MTUS1: variants seen among roughly 807,000 people sequenced by gnomAD.
MTUS1 encodes the protein microtubule associated scaffold protein 1, also known as microtubule-associated tumor suppressor 1.
MTUS1 carries 109 observed loss-of-function variants against 120.8 expected under a neutral mutation model. The observed-to-expected ratio is 0.90, with a 90% confidence interval of 0.77 to 1.06. The LOEUF (loss-of-function observed/expected upper bound fraction) is 1.06, where lower values mean the gene tolerates loss of function less well. Among genes scored for constraint, MTUS1 ranks in the 50% least tolerant of loss-of-function variants. MTUS1 has a pLI of 0.00. For missense variants in MTUS1, 2,210 were observed against 1,486.3 expected, an observed-to-expected ratio of 1.49 and a Z score of -8.01; for synonymous variants, 737 against 550.5, an observed-to-expected ratio of 1.34 and a Z score of -4.74.
rs2979788 is a variant in MTUS1 at position 17,754,377 on chromosome 8, G to C, written c.1431C>G (p.Pro477=). Reference sequence around the variant, plus strand: ...TTTTGATTGTTGATTTTCCTAAACTGGGTTTACACAGGTTCACAGGTGCCT... The same window carrying C: ...TTTTGATTGTTGATTTTCCTAAACTCGGTTTACACAGGTTCACAGGTGCCT... The part of the protein sequence containing the change: ...SKEAPVNLCK[P]SLGKSTIKTN... The change falls in exon 2 of 15, where the codon CCC becomes CCG. Residue 477 remains proline (P), a synonymous_variant. Transcript: ENST00000693296. The C allele has an allele frequency of 6.2e-7, 1 of 1,613,812 alleles. No homozygotes were observed. The highest frequency in any genetic ancestry group is 1.3e-5 in the African/African-American group (1 of 74,804).
intron 6 of MTUS1, among the ~76,000 whole-genome samples, chr8:17,696,859 G>A (rs1818077129): frequency 6.6e-6 from 1 of 150,820 alleles, no homozygotes; most frequent in Admixed American, 6.6e-5. Flanking sequence ...ACTATCCAAT[G>A]AAAAACGATG....
At chr8:17,664,725 C>T (rs776236257) in intron 8 of MTUS1, among the ~76,000 whole-genome samples, 2 of 152,116 alleles carry the variant, frequency 1.3e-5, no homozygotes, top group African/African-American at 4.8e-5. Flanking sequence ...GATGTCATAA[C>T]ATTCTACTAA....
chr8:17,766,291 G>T (rs1251076687), intron 1 of MTUS1, among the ~76,000 whole-genome samples: 3 of 152,160 alleles, frequency 2.0e-5, no homozygotes, highest in Non-Finnish European at 4.4e-5. Flanking sequence ...CATCACATGT[G>T]AGTACACCCA....
chr8:17,705,112 G>A (rs1395939839), intron 6 of MTUS1, among the ~76,000 whole-genome samples: 2 of 152,072 alleles, frequency 1.3e-5, no homozygotes, highest in Non-Finnish European at 2.9e-5. Context: ...CCTCATGAGT[G>A]CTGGGACTAC....
intron 7 of MTUS1, among the ~76,000 whole-genome samples, chr8:17,680,802 A>G (rs1339626081): frequency 1.3e-5 from 2 of 152,168 alleles, no homozygotes; most frequent in Non-Finnish European, 2.9e-5. Context: ...TGCTCACGCC[A>G]CAAGAGGTGT....
At chr8:17,778,642 T>C (rs892695265) in intron 1 of MTUS1, among the ~76,000 whole-genome samples, 2 of 152,006 alleles carry the variant, frequency 1.3e-5, no homozygotes, top group Admixed American at 1.3e-4. Context: ...ACCCTGTCTC[T>C]ACCAAAAAAT....
rs536136604 is a variant in MTUS1, at chr8:17,738,600, G to C, written c.2287+5004C>G. ...TTTTAAGTTCCGGGGTACATGTGCA[G>C]GCTGTGCAGGTTTGTTACATAGGTA... On this transcript the variant is annotated intron_variant, in intron 3 of 14. Transcript: ENST00000693296. Among the ~76,000 whole-genome samples the C allele has an allele frequency of 4.6e-4, 70 of 152,236 alleles. 1 individual carries two copies. The South Asian group carries it at 0.014, about 31-fold the overall frequency.
intron 1 of MTUS1, among the ~76,000 whole-genome samples, chr8:17,785,163 A>C (rs2051201881): frequency 6.6e-6 from 1 of 152,120 alleles, no homozygotes; most frequent in South Asian, 2.1e-4. Flanking sequence ...GGTGATGGGG[A>C]CACAATGCTG....
intron 2 of MTUS1, among the ~76,000 whole-genome samples, chr8:17,752,638 C>T (rs1433499370): frequency 8.1e-6 from 1 of 123,946 alleles, no homozygotes; most frequent in Non-Finnish European, 1.7e-5. Flanking sequence ...CCCTTGTGGT[C>T]CCCATGCACC....
At chr8:17,748,637 G>C (rs1464207538) in intron 2 of MTUS1, among the ~76,000 whole-genome samples, 1 of 152,160 alleles carries the variant, frequency 6.6e-6, no homozygotes, top group Non-Finnish European at 1.5e-5. Context: ...TGTGGGGCCT[G>C]CACACAGCAT....
chr8:17,684,624 G>A (rs955005761), intron 6 of MTUS1, 82 bp from the exon 7 acceptor site: 3 of 1,081,488 alleles, frequency 2.8e-6, no homozygotes, highest in Admixed American at 1.8e-5. Context: ...AAAACAACCA[G>A]ATAAGCCACA....
chr8:17,776,097 T>G (rs1340349412), intron 1 of MTUS1, among the ~76,000 whole-genome samples: 2 of 151,996 alleles, frequency 1.3e-5, no homozygotes, highest in Non-Finnish European at 2.9e-5. Context: ...CTTTCAAACT[T>G]GCTTGTATTT....
chr8:17,753,920 C>A lies in MTUS1; in HGVS notation c.1888G>T (p.Val630Phe), dbSNP rs377451974. 2 of 1,614,138 alleles carry A rather than the reference C, an allele frequency of 1.2e-6. No homozygotes were observed. Among genetic ancestry groups the A allele is most frequent in the Non-Finnish European group, 1.7e-6 (2 of 1,180,022 alleles). ...SSNSACETGS[V>F]SALFQKIKGI... ...TTGATCTTCTGAAACAACGCAGAAA[C>A]GGACCCGGTCTCGCATGCTGAGTTA... is the stretch of plus-strand genomic sequence containing the variant. The change falls in exon 2 of 15, where the codon GTT (valine) becomes TTT (phenylalanine). Residue 630 changes from valine to phenylalanine, a missense_variant. By Grantham distance (50) the Val-to-Phe change is conservative. Coordinates refer to ENST00000693296, the MANE Select transcript of MTUS1 (RefSeq NM_001363059.2).
chr8:17,685,213 C>G (rs1489420884), intron 6 of MTUS1, among the ~76,000 whole-genome samples: 4 of 150,900 alleles, frequency 2.7e-5, no homozygotes, highest in Non-Finnish European at 5.9e-5. Context: ...TAACGGCTTA[C>G]ACAGTTTTTT....
intron 6 of MTUS1, 91 bp downstream of exon 6, chr8:17,713,123 G>C: frequency 9.7e-7 from 1 of 1,032,528 alleles, no homozygotes; most frequent in Non-Finnish European, 1.5e-6. Context: ...CTACTTATAA[G>C]CACACCAGTA....
At chr8:17,726,435 C>G (rs902218668) in intron 3 of MTUS1, among the ~76,000 whole-genome samples, 1 of 152,116 alleles carries the variant, frequency 6.6e-6, no homozygotes, top group Non-Finnish European at 1.5e-5. Context: ...AGGAAGAGCA[C>G]CTGATTCAAT....
chr8:17,784,332 G>C (rs1162552682), intron 1 of MTUS1, among the ~76,000 whole-genome samples: 1 of 89,976 alleles, frequency 1.1e-5, no homozygotes, highest in African/African-American at 4.5e-5. Context: ...TTTCACTCTT[G>C]TTGCCCAGGC....
intron 3 of MTUS1, among the ~76,000 whole-genome samples, chr8:17,726,285 T>C (rs2046225780): frequency 1.3e-5 from 2 of 152,214 alleles, no homozygotes; most frequent in African/African-American, 4.8e-5. Flanking sequence ...TCAGGACCTC[T>C]CTGTGAGCTT....
Position 17,653,484 on chromosome 8 carries a change from G to A in MTUS1, c.3229C>T (p.His1077Tyr), listed in dbSNP as rs1215367170. 1.9e-6 allele frequency: 3 copies of A among 1,610,378 alleles called. No homozygotes were observed. Among genetic ancestry groups the A allele is most frequent in the African/African-American group, 1.3e-5 (1 of 74,804 alleles). ...EASLSEIKKG[H>Y]EIEKKSLEDL... ...TCAAGCGATTTCTTTTCTATTTCAT[G>A]GCCTTTCTTAATTTCTGGGAAAATA... Residue 1077 changes from histidine to tyrosine, a missense_variant, in exon 11 of 15, where the codon CAT becomes TAT. Transcript: ENST00000693296.
Sources: gnomAD v4.1 joint callset for allele counts (sites outside exome capture counted in the v4.1 genomes callset) on GRCh38, gnomAD v4.1.1 for gene constraint, MANE v1.5 for transcripts, NCBI Gene and HGNC (gene_info 2026-07-23, HGNC 2026-07-21) for gene names.